Variants in STARD9 observed in about 807,000 individuals in gnomAD.
The protein encoded by STARD9 is stAR-related lipid transfer protein 9.
Under a neutral mutation model 399.8 loss-of-function variants are expected in STARD9, and 346 were observed. The ratio of observed to expected loss-of-function variants is 0.87; its 90% CI spans 0.79 to 0.95. The LOEUF is 0.95. Among genes scored for constraint, STARD9 ranks in the 40% least tolerant of loss-of-function variants. The pLI is 0.00. For synonymous variants in STARD9, 2,203 were observed against 2,143.5 expected, an observed-to-expected ratio of 1.03 and a Z score of -0.77; for missense variants, 5,832 against 5,667.5, an observed-to-expected ratio of 1.03 and a Z score of -0.93.
At position 42,684,249 on chromosome 15, in the gene STARD9, C is replaced by T. The variant is rs563334286; in HGVS notation, c.2671C>T (p.Arg891Cys). Residue 891 changes from arginine (R) to cysteine (C), a missense_variant, in exon 23 of 33, where the codon CGC becomes TGC. This residue lies in a region of STARD9 where 5,828 missense variants were observed against 5,651.1 expected (regional missense o/e 1.03). Transcript: ENST00000290607. ...ASYPARTGCL[R>C]KNGLHSSGHG... ...CTACCCTGCAAGGACAGGGTGCCTC[C>T]GCAAGAACGGCCTGCATTCCTCAGG... 8.3e-5 allele frequency: 127 copies of T among 1,537,282 alleles called. 3 individuals are homozygous for T. The highest frequency in any genetic ancestry group is 6.8e-4 in the South Asian group (57 of 84,066).
chr15:42,617,747 T>A (rs1259885851), intron 3 of STARD9, among the ~76,000 whole-genome samples: 1 of 152,084 alleles, frequency 6.6e-6, no homozygotes, highest in African/African-American at 2.4e-5. Context: ...TTGTTTAAAT[T>A]TTTATTTTGT....
In STARD9 at chr15:42,674,847, G is replaced by A; in HGVS notation, c.1570G>A (p.Glu524Lys). Residue 524 changes from glutamate (E) to lysine (K), a missense_variant, in exon 18 of 33, where the codon GAG becomes AAG. This residue lies in a region of STARD9 where 5,828 missense variants were observed against 5,651.1 expected (regional missense o/e 1.03). Coordinates refer to ENST00000290607, the MANE Select transcript of STARD9 (RefSeq NM_020759.3). ...TGTAGTCCTGCAGGGTCAGTGGATT[G>A]AGAGAGACCACTGCACTATCACCAG... The part of the protein sequence containing the change: ...QDIVLQGQWI[E>K]RDHCTITSAC... The A allele has an allele frequency of 6.5e-7, 1 of 1,535,142 alleles. No individual in the cohort carries two copies. The highest frequency in any genetic ancestry group is 8.7e-7 in the Non-Finnish European group (1 of 1,145,998).
intron 11 of STARD9, 67 bp downstream of exon 11, chr15:42,662,958 C>A: frequency 8.4e-7 from 1 of 1,190,194 alleles, no homozygotes; most frequent in South Asian, 1.3e-5. Flanking sequence ...TTCATTTTGT[C>A]GCAATAGGGT....
intron 22 of STARD9, among the ~76,000 whole-genome samples, chr15:42,683,710 AT>A (rs1228412365): frequency 6.6e-6 from 1 of 152,034 alleles, no homozygotes. Flanking sequence ...TCTTTTAATC[AT>A]TCTTCTTGTT....
At chr15:42,697,861 A>G (rs1276302366) in intron 26 of STARD9, among the ~76,000 whole-genome samples, 2 of 152,132 alleles carry the variant, frequency 1.3e-5, no homozygotes, top group Non-Finnish European at 2.9e-5. Context: ...GAGAAGGGGT[A>G]CTCAACCTGT....
chr15:42,606,091 AAAG>A (rs1422980166), intron 3 of STARD9, among the ~76,000 whole-genome samples: 2 of 152,228 alleles, frequency 1.3e-5, no homozygotes, highest in South Asian at 2.1e-4. Context: ...GGAAGGGAGA[AAAG>A]AAAATAGCAC....
At chr15:42,719,408 C>A in intron 32 of STARD9, 65 bp from the exon 33 acceptor site, 1 of 1,056,196 alleles carries the variant, frequency 9.5e-7, no homozygotes. Context: ...CTCCATGGGA[C>A]TGGAGTACGC....
chr15:42,620,727 C>A (rs73406582), intron 3 of STARD9, among the ~76,000 whole-genome samples: 6,874 of 142,568 alleles, frequency 0.048, 538 homozygotes, highest in African/African-American at 0.16. Flanking sequence ...TAGAATGTCC[C>A]TTTTATTTTA....
intron 3 of STARD9, among the ~76,000 whole-genome samples, chr15:42,612,685 A>G (rs2058874949): frequency 6.6e-6 from 1 of 152,194 alleles, no homozygotes; most frequent in Admixed American, 6.5e-5. Flanking sequence ...AGAAGCACTG[A>G]CAGAAATAGC....
At chr15:42,683,319 G>T (rs1197288729) in intron 22 of STARD9, among the ~76,000 whole-genome samples, 1 of 152,206 alleles carries the variant, frequency 6.6e-6, no homozygotes, top group African/African-American at 2.4e-5. Flanking sequence ...CAAGTTGGAA[G>T]AATAGTACAT....
In STARD9 at chr15:42,688,489, G is replaced by C. The variant is rs1417199650; in HGVS notation, c.6911G>C (p.Arg2304Thr). The change falls in exon 23 of 33, where the codon AGG (arginine) becomes ACG (threonine). Residue 2304 changes from arginine (R) to threonine (T), a missense_variant. Physicochemically the swap from Arg to Thr is moderately conservative, Grantham distance 71. Coordinates refer to ENST00000290607, the MANE Select transcript of STARD9 (RefSeq NM_020759.3). ...TTTCCTAGTCTCAGCCAGCTTTGTA[G>C]GGACACGTTTTTCAGGCAGGAAACT... is the stretch of plus-strand genomic sequence containing the variant. Reference protein sequence around the residue: ...QKFPSLSQLCRDTFFRQETVS... With the variant: ...QKFPSLSQLCTDTFFRQETVS... 1.3e-6 allele frequency: 2 copies of C among 1,537,876 alleles called. No homozygotes were observed. Among genetic ancestry groups the C allele is most frequent in the African/African-American group, 2.7e-5 (2 of 73,164 alleles).
At chr15:42,683,806 G>C (rs1360107643) in intron 22 of STARD9, among the ~76,000 whole-genome samples, 2 of 151,720 alleles carry the variant, frequency 1.3e-5, no homozygotes, top group African/African-American at 2.4e-5. Context: ...TTATCTTTTG[G>C]TTCCTCATAA....
chr15:42,619,743 G>T (rs756488144), intron 3 of STARD9, among the ~76,000 whole-genome samples: 1 of 152,134 alleles, frequency 6.6e-6, no homozygotes, highest in Non-Finnish European at 1.5e-5. Context: ...CTTGCTCCTC[G>T]CCTGCCTGCC....
At chr15:42,601,770 A>G (rs1053643653) in intron 3 of STARD9, among the ~76,000 whole-genome samples, 1 of 152,240 alleles carries the variant, frequency 6.6e-6, no homozygotes, top group African/African-American at 2.4e-5. Context: ...ACCCTATAGC[A>G]TTAAGTCTAG....
chr15:42,577,961 A>G (rs2058090550), intron 1 of STARD9, among the ~76,000 whole-genome samples: 1 of 152,182 alleles, frequency 6.6e-6, no homozygotes, highest in African/African-American at 2.4e-5. Flanking sequence ...GTTTTTCCAG[A>G]TGACAGAATG....
intron 20 of STARD9, among the ~76,000 whole-genome samples, chr15:42,677,511 A>G (rs1268757715): frequency 6.6e-6 from 1 of 152,224 alleles, no homozygotes; most frequent in African/African-American, 2.4e-5. Context: ...GAAGTCATGA[A>G]AGTAGCTCCT....
Position 42,684,361 on chromosome 15 carries a change from CTG to C in STARD9, c.2785_2786del (p.Val929TrpfsTer10). The C allele has an allele frequency of 6.5e-7, 1 of 1,536,930 alleles. No individual in the cohort carries two copies. Among genetic ancestry groups the C allele is most frequent in the Non-Finnish European group, 8.7e-7 (1 of 1,146,772 alleles). On this transcript the variant is annotated frameshift_variant, in exon 23 of 33. Transcript: ENST00000290607. LOFTEE classifies it high-confidence loss of function. ...GCTTGCCTCACCATGAGTCCCAACT[CTG>C]TTGGCATCCAGGAAATGGAGATGGG...
At position 42,688,404 on chromosome 15, in the gene STARD9, G is replaced by A. The variant is rs1235661803; in HGVS notation, c.6826G>A (p.Glu2276Lys). 1 of 1,537,588 alleles carries A rather than the reference G, an allele frequency of 6.5e-7. No homozygotes were observed. Among genetic ancestry groups the A allele is most frequent in the South Asian group, 1.2e-5 (1 of 84,058 alleles). The part of the protein sequence containing the change: ...QEEPKAQGKV[E>K]EMPMQRGGSL... Reference sequence around the variant, plus strand: ...AGAGCCAAAAGCTCAAGGTAAAGTTGAAGAAATGCCTATGCAAAGGGGAGG... The same window carrying A: ...AGAGCCAAAAGCTCAAGGTAAAGTTAAAGAAATGCCTATGCAAAGGGGAGG... The change falls in exon 23 of 33, where the codon GAA becomes AAA. Residue 2276 changes from glutamate to lysine, a missense_variant. This residue lies in a region of STARD9 where 5,828 missense variants were observed against 5,651.1 expected (regional missense o/e 1.03). Transcript: ENST00000290607.
intron 3 of STARD9, among the ~76,000 whole-genome samples, chr15:42,612,975 C>T (rs2058883464): frequency 8.4e-6 from 1 of 119,756 alleles, no homozygotes; most frequent in African/African-American, 3.2e-5. Context: ...CAGAGCGAGA[C>T]TATGTCTCAG....
Sources: gnomAD v4.1 joint callset for allele counts (sites outside exome capture counted in the v4.1 genomes callset) on GRCh38, gnomAD v4.1.1 for gene constraint, gnomAD v4.1.1 regional missense constraint, MANE v1.5 for transcripts, NCBI Gene and HGNC (gene_info 2026-07-23, HGNC 2026-07-21) for gene names.